The following KCNU1 variants were observed in gnomAD, a reference collection of about 807,000 sequenced individuals.
The protein encoded by KCNU1 is potassium channel subfamily U member 1.
A neutral mutation model predicts 126.8 loss-of-function variants in KCNU1; 93 were observed. That is an observed-to-expected ratio of 0.73 (90% CI 0.62 to 0.87). The LOEUF (loss-of-function observed/expected upper bound fraction) is 0.87. Ranked by LOEUF, KCNU1 falls within the 40% of genes least tolerant of loss-of-function variation. The pLI, the probability that KCNU1 is intolerant of heterozygous loss-of-function variation, is 0.00. For missense variants in KCNU1, 1,330 were observed against 1,367.1 expected, an observed-to-expected ratio of 0.97 and a Z score of 0.43; for synonymous variants, 523 against 494.2, an observed-to-expected ratio of 1.06 and a Z score of -0.77.
intron 19 of KCNU1, among the ~76,000 whole-genome samples, chr8:36,895,118 T>G (rs2117462114): frequency 6.6e-6 from 1 of 151,864 alleles, no homozygotes; most frequent in South Asian, 2.1e-4. Flanking sequence ...AGAATCTCAC[T>G]CTGTCACCCA....
chr8:36,795,036 C>T (rs182440633), intron 2 of KCNU1, among the ~76,000 whole-genome samples: 3 of 152,282 alleles, frequency 2.0e-5, no homozygotes, highest in African/African-American at 7.2e-5. Flanking sequence ...GGAGGAATCC[C>T]TAAATCCACG....
intron 22 of KCNU1, among the ~76,000 whole-genome samples, chr8:36,917,791 G>C (rs1013493779): frequency 6.6e-6 from 1 of 152,078 alleles, no homozygotes; most frequent in Non-Finnish European, 1.5e-5. Flanking sequence ...TTTTGGGGTC[G>C]AGTCTCACAG....
At chr8:36,860,520 C>T (rs750476593) in intron 18 of KCNU1, among the ~76,000 whole-genome samples, 1 of 152,142 alleles carries the variant, frequency 6.6e-6, no homozygotes, top group African/African-American at 2.4e-5. Flanking sequence ...CTCAACTCTA[C>T]AGTTCACTAC....
intron 19 of KCNU1, among the ~76,000 whole-genome samples, chr8:36,896,346 T>A (rs953266795): frequency 2.0e-5 from 3 of 152,042 alleles, no homozygotes; most frequent in Admixed American, 2.0e-4. Context: ...TCACATCAGA[T>A]GTCTGGAAAC....
At chr8:36,934,257 A>T (rs1161612337) in intron 26 of KCNU1, among the ~76,000 whole-genome samples, 1 of 152,098 alleles carries the variant, frequency 6.6e-6, no homozygotes, top group Non-Finnish European at 1.5e-5. Flanking sequence ...TGGAGTTGTA[A>T]ACCACATAGA....
At chr8:36,820,292 A>G (rs1804075387) in intron 10 of KCNU1, among the ~76,000 whole-genome samples, 2 of 152,282 alleles carry the variant, frequency 1.3e-5, no homozygotes, top group South Asian at 4.1e-4. Context: ...GATAATTGAT[A>G]CAACAAGTGG....
In KCNU1 at chr8:36,845,887, C is replaced by G. The variant is rs919797093; in HGVS notation, c.1879C>G (p.Gln627Glu). ...TNCGCKSRSR[Q>E]HITVPSVKRM... ...CTGTGGCTGCAAAAGCAGAAGCCGGCAGCACATCACAGGTAATTGCACTTT... is the reference window on the plus strand; with the variant it reads ...CTGTGGCTGCAAAAGCAGAAGCCGGGAGCACATCACAGGTAATTGCACTTT... Residue 627 changes from glutamine (Q) to glutamate (E), a missense_variant, in exon 18 of 27, where the codon CAG becomes GAG. Physicochemically the swap from Gln to Glu is conservative, Grantham distance 29 (BLOSUM62 2). This residue lies in a region of KCNU1 where 1,054 missense variants were observed against 1,053.9 expected (regional missense o/e 1.00). Transcript: ENST00000399881. 2.5e-6 allele frequency: 4 copies of G among 1,587,480 alleles called. No individual in the cohort carries two copies. Among genetic ancestry groups the G allele is most frequent in the Non-Finnish European group, 2.6e-6 (3 of 1,162,498 alleles).
At chr8:36,817,177 G>T (rs1233931525) in intron 9 of KCNU1, among the ~76,000 whole-genome samples, 1 of 152,040 alleles carries the variant, frequency 6.6e-6, no homozygotes, top group Non-Finnish European at 1.5e-5. Flanking sequence ...TATTAGAAAT[G>T]CAGTCCTTAG....
intron 20 of KCNU1, among the ~76,000 whole-genome samples, chr8:36,906,982 G>A (rs1466002613): frequency 1.3e-5 from 2 of 152,152 alleles, no homozygotes; most frequent in African/African-American, 2.4e-5. Flanking sequence ...CCAAACGATG[G>A]AAATAGCAGA....
intron 19 of KCNU1, among the ~76,000 whole-genome samples, chr8:36,874,297 G>T (rs1806204014): frequency 6.6e-6 from 1 of 152,130 alleles, no homozygotes; most frequent in Non-Finnish European, 1.5e-5. Context: ...AAAACATGTG[G>T]AAATCATTTT....
At chr8:36,851,817 A>G (rs984186084) in intron 18 of KCNU1, among the ~76,000 whole-genome samples, 2 of 152,092 alleles carry the variant, frequency 1.3e-5, no homozygotes, top group African/African-American at 4.8e-5. Context: ...ATATCATGCA[A>G]CCTCACTGAA....
chr8:36,852,281 G>A (rs963927630), intron 18 of KCNU1, among the ~76,000 whole-genome samples: 3 of 151,814 alleles, frequency 2.0e-5, no homozygotes, highest in Non-Finnish European at 4.4e-5. Context: ...CTAGCATTTT[G>A]TTGAGGAATT....
chr8:36,806,441 T>C lies in KCNU1; in HGVS notation c.580+61T>C, dbSNP rs371139428. ...GAATAAAATAAAAACTCAACATTCA[T>C]TTGTAAGTATCTATTTTTCATTTGT... On this transcript the variant is annotated intron_variant, in intron 5 of 26. Coordinates refer to ENST00000399881, the MANE Select transcript of KCNU1 (RefSeq NM_001031836.3). The C allele has an allele frequency of 3.7e-5, 30 of 813,198 alleles. No homozygotes were observed. The East Asian group carries it at 4.6e-4, about 12-fold the overall frequency. The allele number at this position is 813,198 out of a possible 1,614,324, so 50.4% of individuals were successfully genotyped here. A position where few individuals can be genotyped will look rare whatever the true frequency, so the allele number is the denominator to read the frequency against.
intron 6 of KCNU1, 146 bp downstream of exon 6, chr8:36,807,596 T>C: frequency 1.5e-6 from 1 of 660,424 alleles, no homozygotes; most frequent in Non-Finnish European, 2.7e-6. Flanking sequence ...ATATTATTTG[T>C]TCACATTCTC....
intron 2 of KCNU1, among the ~76,000 whole-genome samples, chr8:36,787,958 A>G (rs16885397): frequency 0.16 from 23,797 of 151,020 alleles, 2,086 homozygotes; most frequent in Admixed American, 0.28. Context: ...TGTTAGGGCA[A>G]TATTTGTGAG....
chr8:36,903,447 G>T (rs2117498392), intron 19 of KCNU1, among the ~76,000 whole-genome samples: 1 of 152,210 alleles, frequency 6.6e-6, no homozygotes, highest in East Asian at 1.9e-4. Flanking sequence ...AGATGAGCAG[G>T]ACTGAATCTG....
At chr8:36,873,577 G>A (rs1048128045) in intron 19 of KCNU1, among the ~76,000 whole-genome samples, 1 of 152,172 alleles carries the variant, frequency 6.6e-6, no homozygotes, top group African/African-American at 2.4e-5. Flanking sequence ...CTTGCTAAGA[G>A]AGGGTTAAGA....
rs769042426 is a variant in KCNU1 at position 36,806,393 on chromosome 8, T to C, written c.580+13T>C. ...AGCAATTGGCTAGGTAAGTGTGCTC[T>C]GGGAACGGGTAGCAATATCTATGAA... On this transcript the variant is annotated intron_variant, in intron 5 of 26. Coordinates refer to ENST00000399881, the MANE Select transcript of KCNU1 (RefSeq NM_001031836.3). 3.0e-6 allele frequency: 4 copies of C among 1,352,962 alleles called. No individual in the cohort carries two copies. The South Asian group carries it at 3.7e-5, about 13-fold the overall frequency. The allele number at this position is 1,352,962 out of a possible 1,614,324, so 83.8% of individuals were successfully genotyped here.
intron 18 of KCNU1, among the ~76,000 whole-genome samples, chr8:36,846,780 G>A (rs1158471356): frequency 8.8e-5 from 11 of 125,108 alleles, no homozygotes; most frequent in Middle Eastern, 4.3e-3. Context: ...CAGCCTGGGC[G>A]ACAGAGCGAA....
Sources: allele counts gnomAD v4.1 joint callset (sites outside exome capture counted in the v4.1 genomes callset), GRCh38; gene constraint gnomAD v4.1.1; regional missense constraint gnomAD v4.1.1; transcripts MANE v1.5; gene names NCBI Gene and HGNC (gene_info 2026-07-23, HGNC 2026-07-21).